SGCZ: variants seen among roughly 807,000 people sequenced by gnomAD.
The protein encoded by SGCZ is zeta-sarcoglycan.
A neutral mutation model predicts 41.3 loss-of-function variants in SGCZ; 40 were observed. The ratio of observed to expected loss-of-function variants is 0.97; its 90% CI spans 0.75 to 1.26. SGCZ has a LOEUF of 1.26. SGCZ is among the 50% of genes most tolerant of loss of function. SGCZ has a pLI of 0.00. For synonymous variants in SGCZ, 206 were observed against 137.5 expected, an observed-to-expected ratio of 1.50 and a Z score of -3.49; for missense variants, 552 against 369.8, an observed-to-expected ratio of 1.49 and a Z score of -4.04.
chr8:15,032,039 A>C (rs971010196), intron 1 of SGCZ, among the ~76,000 whole-genome samples: 1 of 151,978 alleles, frequency 6.6e-6, no homozygotes, highest in Non-Finnish European at 1.5e-5. Flanking sequence ...CACATACTCA[A>C]ATCCCCTTGT....
At chr8:14,567,664 T>A (rs962606430) in intron 1 of SGCZ, among the ~76,000 whole-genome samples, 9 of 152,112 alleles carry the variant, frequency 5.9e-5, no homozygotes, top group Admixed American at 1.3e-4. Flanking sequence ...GTTCTTTCGC[T>A]CTTTGCAATA....
chr8:14,784,754 T>C (rs1021196494), intron 1 of SGCZ, among the ~76,000 whole-genome samples: 1 of 150,450 alleles, frequency 6.6e-6, no homozygotes, highest in Non-Finnish European at 1.5e-5. Flanking sequence ...AATACAAAAT[T>C]AGGCGGGCAT....
At chr8:15,049,486 G>A (rs1804436913) in intron 1 of SGCZ, among the ~76,000 whole-genome samples, 2 of 152,124 alleles carry the variant, frequency 1.3e-5, no homozygotes, top group Non-Finnish European at 2.9e-5. Flanking sequence ...GGGAGTTTAA[G>A]CAAAGAAGTA....
At chr8:14,391,591 T>C (rs1334533648) in intron 2 of SGCZ, among the ~76,000 whole-genome samples, 1 of 152,034 alleles carries the variant, frequency 6.6e-6, no homozygotes, top group Non-Finnish European at 1.5e-5. Context: ...AGGCACCAGT[T>C]AGGAAATCAG....
At chr8:14,109,292 C>T (rs953301036) in intron 5 of SGCZ, among the ~76,000 whole-genome samples, 4 of 152,006 alleles carry the variant, frequency 2.6e-5, no homozygotes, top group Non-Finnish European at 5.9e-5. Context: ...CATTTTTTTC[C>T]AGATTCTCAT....
At chr8:14,874,649 G>C (rs1006891746) in intron 1 of SGCZ, among the ~76,000 whole-genome samples, 1 of 152,110 alleles carries the variant, frequency 6.6e-6, no homozygotes, top group African/African-American at 2.4e-5. Flanking sequence ...AGTGACAGCA[G>C]TGTATGGCAT....
chr8:15,154,512 C>G (rs1175728775), intron 1 of SGCZ, among the ~76,000 whole-genome samples: 5 of 152,162 alleles, frequency 3.3e-5, no homozygotes, highest in African/African-American at 1.2e-4. Flanking sequence ...GACCCCAGTA[C>G]AGACAGCAGA....
chr8:14,347,483 C>G (rs1802929005), intron 2 of SGCZ, among the ~76,000 whole-genome samples: 1 of 151,996 alleles, frequency 6.6e-6, no homozygotes, highest in African/African-American at 2.4e-5. Flanking sequence ...CTTTTCTTTT[C>G]ACATAATAGT....
intron 1 of SGCZ, among the ~76,000 whole-genome samples, chr8:14,653,324 G>T (rs997532280): frequency 6.6e-6 from 1 of 152,082 alleles, no homozygotes; most frequent in African/African-American, 2.4e-5. Flanking sequence ...CAGTGGTCTT[G>T]TGTTCCAGAT....
At chr8:14,504,237 C>T (rs937098788) in intron 2 of SGCZ, among the ~76,000 whole-genome samples, 1 of 152,152 alleles carries the variant, frequency 6.6e-6, no homozygotes, top group Non-Finnish European at 1.5e-5. Flanking sequence ...TTTGGTTGTG[C>T]CTGCATTCTG....
chr8:15,048,960 A>C (rs1467259114), intron 1 of SGCZ, among the ~76,000 whole-genome samples: 1 of 152,160 alleles, frequency 6.6e-6, no homozygotes, highest in African/African-American at 2.4e-5. Flanking sequence ...TGACCAAGAC[A>C]AACGTACTTT....
At chr8:14,486,627 G>A (rs1448171215) in intron 2 of SGCZ, among the ~76,000 whole-genome samples, 4 of 152,210 alleles carry the variant, frequency 2.6e-5, no homozygotes, top group Non-Finnish European at 5.9e-5. Context: ...AGGCTGAAGT[G>A]CCACGGCACC....
chr8:14,921,515 T>C (rs943626903), intron 1 of SGCZ, among the ~76,000 whole-genome samples: 2 of 152,128 alleles, frequency 1.3e-5, no homozygotes, highest in Non-Finnish European at 2.9e-5. Context: ...CTAATTTTAT[T>C]ATCTATGCTT....
At chr8:14,780,125 G>A (rs961946796) in intron 1 of SGCZ, among the ~76,000 whole-genome samples, 2 of 152,038 alleles carry the variant, frequency 1.3e-5, no homozygotes, top group African/African-American at 4.8e-5. Flanking sequence ...TGTAATCCCA[G>A]CACTTTGGGA....
chr8:14,283,874 T>C (rs1800531673), intron 3 of SGCZ, among the ~76,000 whole-genome samples: 1 of 152,230 alleles, frequency 6.6e-6, no homozygotes. Flanking sequence ...TAGTTTACAT[T>C]AAAAAAATTT....
At chr8:14,385,493 C>A (rs1804543804) in intron 2 of SGCZ, among the ~76,000 whole-genome samples, 1 of 152,118 alleles carries the variant, frequency 6.6e-6, no homozygotes, top group Admixed American at 6.6e-5. Context: ...ATGGTCCACA[C>A]CATACCTTTC....
chr8:14,376,258 C>A (rs1180983132), intron 2 of SGCZ, among the ~76,000 whole-genome samples: 1 of 152,054 alleles, frequency 6.6e-6, no homozygotes, highest in East Asian at 1.9e-4. Context: ...TTGCAGTGAG[C>A]CGAGATCGTG....
chr8:15,124,480 G>A (rs1024221991), intron 1 of SGCZ, among the ~76,000 whole-genome samples: 2 of 152,168 alleles, frequency 1.3e-5, no homozygotes, highest in Admixed American at 1.3e-4. Context: ...ATGTTTGCAA[G>A]GCCAGGGCAG....
intron 4 of SGCZ, among the ~76,000 whole-genome samples, chr8:14,235,891 G>A (rs1439405346): frequency 6.6e-6 from 1 of 152,110 alleles, no homozygotes; most frequent in Non-Finnish European, 1.5e-5. Flanking sequence ...CACCATGTTG[G>A]ACAGGATGAT....
Sources: gnomAD v4.1 joint callset for allele counts (sites outside exome capture counted in the v4.1 genomes callset) on GRCh38, gnomAD v4.1.1 for gene constraint, MANE v1.5 for transcripts, NCBI Gene and HGNC (gene_info 2026-07-23, HGNC 2026-07-21) for gene names.